TSHZ2: variants seen among roughly 807,000 people sequenced by gnomAD.
TSHZ2 encodes the protein teashirt homolog 2.
Under a neutral mutation model 74.4 loss-of-function variants are expected in TSHZ2, and 21 were observed. The observed-to-expected ratio is 0.28, with a 90% CI of 0.20 to 0.41. The LOEUF (loss-of-function observed/expected upper bound fraction) is 0.41. Ranked by LOEUF, TSHZ2 falls within the 10% of genes least tolerant of loss-of-function variation. The probability of loss-of-function intolerance (pLI) is 1.00; values close to 1 mark genes in which losing one functional copy is unlikely to be tolerated. For synonymous variants in TSHZ2, 540 were observed against 515.3 expected, an observed-to-expected ratio of 1.05 and a Z score of -0.65; for missense variants, 1,244 against 1,293.5, an observed-to-expected ratio of 0.96 and a Z score of 0.59.
intron 1 of TSHZ2, among the ~76,000 whole-genome samples, chr20:53,063,663 T>A (rs988675): frequency 6.9e-4 from 105 of 152,224 alleles, no homozygotes; most frequent in African/African-American, 2.3e-3. Context: ...GTGTGTTTGC[T>A]TGCATGCATA....
intron 2 of TSHZ2, among the ~76,000 whole-genome samples, chr20:53,475,071 AC>A (rs1985950566): frequency 7.2e-6 from 1 of 138,914 alleles, no homozygotes; most frequent in African/African-American, 2.8e-5. Context: ...AGACTTTAAC[AC>A]CCCACTGTCA....
At chr20:53,137,898 T>G (rs1472802244) in intron 1 of TSHZ2, among the ~76,000 whole-genome samples, 1 of 152,216 alleles carries the variant, frequency 6.6e-6, no homozygotes, top group Non-Finnish European at 1.5e-5. Flanking sequence ...ATAGTTGTGG[T>G]ATTTTTAGAG....
chr20:53,013,015 A>G (rs546166422), intron 1 of TSHZ2, among the ~76,000 whole-genome samples: 1 of 152,352 alleles, frequency 6.6e-6, no homozygotes, highest in African/African-American at 2.4e-5. Flanking sequence ...ATCTCAGAAA[A>G]AAAGAATAGG....
intron 2 of TSHZ2, among the ~76,000 whole-genome samples, chr20:53,434,018 G>T (rs1983948306): frequency 6.6e-6 from 1 of 152,120 alleles, no homozygotes; most frequent in African/African-American, 2.4e-5. Flanking sequence ...ACAGGCACAT[G>T]CCACCATGCT....
chr20:53,452,061 C>G lies in TSHZ2; in HGVS notation c.*9-35083C>G, dbSNP rs149832653. 9.1e-4 allele frequency among the ~76,000 whole-genome samples: 138 copies of G among 152,314 alleles called. 1 individual carries two copies. The highest frequency in any genetic ancestry group is 3.2e-3 in the African/African-American group (133 of 41,570). ...GACATGGGCAAGACAAGAGTGCTGT[C>G]ATCAAGTGTGAAGAACAAAGGGAAG... On this transcript the variant is annotated intron_variant, in intron 2 of 2. Coordinates refer to ENST00000371497, the MANE Select transcript of TSHZ2 (RefSeq NM_173485.6).
At chr20:53,184,538 C>T (rs980484303) in intron 1 of TSHZ2, among the ~76,000 whole-genome samples, 2 of 152,146 alleles carry the variant, frequency 1.3e-5, no homozygotes, top group African/African-American at 4.8e-5. Context: ...TAAAAACATC[C>T]ATCACCCAAA....
chr20:53,243,550 T>A (rs1186443008), intron 1 of TSHZ2, among the ~76,000 whole-genome samples: 1 of 152,208 alleles, frequency 6.6e-6, no homozygotes, highest in East Asian at 1.9e-4. Context: ...CATAGCAGGC[T>A]AGTAACAATG....
chr20:53,246,040 C>CTTTTTTT lies in TSHZ2; in HGVS notation c.41-7452_41-7446dup, dbSNP rs57243805. Among the ~76,000 whole-genome samples the CTTTTTTT allele has an allele frequency of 5.9e-3, 769 of 130,596 alleles. 7 individuals are homozygous for CTTTTTTT. The highest frequency in any genetic ancestry group is 0.011 in the African/African-American group (355 of 32,308). The allele number at this position is 130,596 out of a possible 152,430, so 85.7% of individuals were successfully genotyped here. A position where few individuals can be genotyped will look rare whatever the true frequency, so the allele number is the denominator to read the frequency against. On this transcript the variant is annotated intron_variant, in intron 1 of 2. Coordinates refer to ENST00000371497, the MANE Select transcript of TSHZ2 (RefSeq NM_173485.6). ...TGTGCTTTTCTTTCTTTCTTTCTTT[C>CTTTTTTT]TTTTTTTTTTTTTGTTTGAGACAGA...
chr20:53,016,121 A>G (rs1395914419), intron 1 of TSHZ2, among the ~76,000 whole-genome samples: 1 of 152,138 alleles, frequency 6.6e-6, no homozygotes, highest in African/African-American at 2.4e-5. Context: ...TGACTGTGAA[A>G]ATCATCCGTT....
intron 1 of TSHZ2, among the ~76,000 whole-genome samples, chr20:53,248,236 A>ATTTTTTT (rs763355998): frequency 1.4e-5 from 2 of 144,928 alleles, no homozygotes; most frequent in Non-Finnish European, 1.5e-5. Context: ...ATGCCTGGCT[A>ATTTTTTT]TTTTTTTTTT....
intron 2 of TSHZ2, among the ~76,000 whole-genome samples, chr20:53,326,546 A>G (rs544224235): frequency 3.3e-5 from 5 of 152,284 alleles, no homozygotes; most frequent in East Asian, 1.9e-4. Flanking sequence ...GGGTGATTCA[A>G]TTGGTCACTA....
intron 1 of TSHZ2, among the ~76,000 whole-genome samples, chr20:53,051,567 C>G (rs188271379): frequency 5.4e-4 from 81 of 151,074 alleles, no homozygotes; most frequent in Admixed American, 2.5e-3. Flanking sequence ...AAGAAAACAT[C>G]AAGATATCAA....
At chr20:53,314,459 G>A (rs1568864433) in intron 2 of TSHZ2, among the ~76,000 whole-genome samples, 2 of 152,012 alleles carry the variant, frequency 1.3e-5, no homozygotes, top group Non-Finnish European at 2.9e-5. Flanking sequence ...GCTTGGTGGG[G>A]CATGATCTGG....
chr20:53,071,602 G>A (rs1985176229), intron 1 of TSHZ2, among the ~76,000 whole-genome samples: 1 of 152,130 alleles, frequency 6.6e-6, no homozygotes, highest in Non-Finnish European at 1.5e-5. Flanking sequence ...TAAAAAGCCA[G>A]GCCAATTTTG....
chr20:53,132,939 CTCTT>C (rs1401127842), intron 1 of TSHZ2, among the ~76,000 whole-genome samples: 9 of 152,212 alleles, frequency 5.9e-5, no homozygotes, highest in East Asian at 1.9e-4. Context: ...CTCTCTTATT[CTCTT>C]TCTACCGTTT....
At chr20:53,182,988 G>T (rs943947626) in intron 1 of TSHZ2, among the ~76,000 whole-genome samples, 1 of 152,142 alleles carries the variant, frequency 6.6e-6, no homozygotes, top group Non-Finnish European at 1.5e-5. Flanking sequence ...AGGACAAGTG[G>T]CCTGTTCTCC....
chr20:53,051,451 G>GGGCA (rs1555819545), intron 1 of TSHZ2, among the ~76,000 whole-genome samples: 4 of 87,576 alleles, frequency 4.6e-5, no homozygotes, highest in African/African-American at 1.6e-4. Flanking sequence ...TTACTCTGTG[G>GGGCA]CGCACGCACA....
intron 2 of TSHZ2, among the ~76,000 whole-genome samples, chr20:53,345,407 CAG>C (rs994680517): frequency 6.6e-6 from 1 of 152,112 alleles, no homozygotes; most frequent in African/African-American, 2.4e-5. Context: ...ATAACACACA[CAG>C]AGGACTTGTC....
At chr20:53,156,502 G>C (rs752362603) in intron 1 of TSHZ2, among the ~76,000 whole-genome samples, 6 of 152,230 alleles carry the variant, frequency 3.9e-5, no homozygotes, top group East Asian at 3.9e-4. Context: ...ACCTCATAAT[G>C]ACCTTGTGAA....
Sources: allele counts gnomAD v4.1 joint callset (sites outside exome capture counted in the v4.1 genomes callset), GRCh38; gene constraint gnomAD v4.1.1; transcripts MANE v1.5; gene names NCBI Gene and HGNC (gene_info 2026-07-23, HGNC 2026-07-21).